ZNF557: variants seen among roughly 807,000 people sequenced by gnomAD.
ZNF557 encodes the protein zinc finger protein 557, also known as CTB-25J19.9.
In ZNF557, 19 loss-of-function variants were observed where a neutral mutation model predicts 21.2. That is an observed-to-expected ratio of 0.90 (90% CI 0.63 to 1.32). The LOEUF (loss-of-function observed/expected upper bound fraction) is 1.32, where lower values mean the gene tolerates loss of function less well. ZNF557 is among the 40% of genes most tolerant of loss of function. The probability of loss-of-function intolerance (pLI) is 0.00; values close to 1 mark genes in which losing one functional copy is unlikely to be tolerated. For synonymous variants in ZNF557, 207 were observed against 194.8 expected (o/e 1.06, Z -0.52); for missense variants, 487 against 519.8 (o/e 0.94, Z 0.61).
intron 2 of ZNF557, among the ~76,000 whole-genome samples, chr19:7,073,147 G>GTTT (rs1568405603): frequency 1.5e-4 from 11 of 74,414 alleles, no homozygotes; most frequent in South Asian, 4.5e-4. Context: ...TTGTTTTTTT[G>GTTT]GTTTTTTTTG....
chr19:7,085,380 TCTC>T lies in ZNF557; in HGVS notation c.*1637_*1639del. ...GGATTCACCATGTTTCCCAGGCTGC[TCTC>T]AAACTCCTGGGCTCAAGTGATCCAC... On this transcript the variant is annotated 3_prime_UTR_variant, in exon 8 of 8. Transcript: ENST00000252840. 6.6e-6 allele frequency: 1 copy of T among 152,100 alleles called. No individual in the cohort carries two copies. The highest frequency in any genetic ancestry group is 1.9e-4 in the East Asian group (1 of 5,174). The allele number at this position is 152,100 out of a possible 1,614,324, so 9.4% of individuals were successfully genotyped here.
At position 7,076,514 on chromosome 19, in the gene ZNF557, C is replaced by G. The variant is rs771977522; in HGVS notation, c.247+7C>G. 2 of 1,611,196 alleles carry G rather than the reference C, an allele frequency of 1.2e-6. No homozygotes were observed. Among genetic ancestry groups the G allele is most frequent in the Admixed American group, 1.7e-5 (1 of 59,384 alleles). On this transcript the variant is annotated splice_region_variant and intron_variant, in intron 5 of 7. Transcript: ENST00000252840. The stretch of plus-strand genomic sequence containing the variant: ...AGGAACCTGGCCTCACTGGGTAAGC[C>G]TAATGTCATTCCTGCATTTATTTAA...
intron 2 of ZNF557, among the ~76,000 whole-genome samples, chr19:7,070,906 C>T (rs1304378577): frequency 1.3e-5 from 2 of 151,952 alleles, no homozygotes; most frequent in Non-Finnish European, 2.9e-5. Flanking sequence ...GCTGGAATGA[C>T]AAGGGTGCAC....
At chr19:7,071,867 A>G (rs1251512147) in intron 2 of ZNF557, among the ~76,000 whole-genome samples, 1 of 139,056 alleles carries the variant, frequency 7.2e-6, no homozygotes, top group Non-Finnish European at 1.5e-5. Flanking sequence ...GCACTTCGGG[A>G]GGCCAAGGCA....
In ZNF557 at chr19:7,081,969, G is replaced by C. The variant is rs756520463; in HGVS notation, c.344-1G>C. ...TTAAATTTCTTTTTAACTTGTTTCA[G>C]ATGTGGAGAATCCATTTAAAGCCAA... On this transcript the variant is annotated splice_acceptor_variant, in intron 6 of 7. Coordinates refer to ENST00000252840, the MANE Select transcript of ZNF557 (RefSeq NM_024341.3). LOFTEE classifies it high-confidence loss of function. 8 of 1,612,108 alleles carry C rather than the reference G, an allele frequency of 5.0e-6. No individual in the cohort carries two copies. The highest frequency in any genetic ancestry group is 1.3e-5 in the African/African-American group (1 of 74,864).
intron 2 of ZNF557, among the ~76,000 whole-genome samples, chr19:7,074,326 G>GTA (rs200460434): frequency 6.5e-5 from 2 of 30,668 alleles, no homozygotes; most frequent in Admixed American, 3.3e-4. Context: ...ATCTTTGTGT[G>GTA]TATATACACA....
At chr19:7,071,715 T>C (rs1977462218) in intron 2 of ZNF557, among the ~76,000 whole-genome samples, 1 of 143,196 alleles carries the variant, frequency 7.0e-6, no homozygotes, top group Admixed American at 7.5e-5. Context: ...GTGGTGACTC[T>C]CTTGAGCCTG....
rs886643830 is a variant in ZNF557, at chr19:7,084,976, A to G, written c.*1232A>G. 1 of 152,142 alleles carries G rather than the reference A, an allele frequency of 6.6e-6. No individual in the cohort carries two copies. Among genetic ancestry groups the G allele is most frequent in the East Asian group, 1.9e-4 (1 of 5,194 alleles). 9.4% of individuals were successfully genotyped at this position (152,142 alleles called of 1,614,324 possible). On this transcript the variant is annotated 3_prime_UTR_variant, in exon 8 of 8. Transcript: ENST00000252840. ...CAACAGAGGAATATGTTGAGTATAC[A>G]CAGTGTTGAAAAGCCTGTGACACAA...
In ZNF557 at chr19:7,084,128, A is replaced by C. The variant is rs948093247; in HGVS notation, c.*384A>C. ...CAGGGCTGAGTTTCTTTATGGAAGC[A>C]ACTTCTCCCCAAAGCCAGTGATCTA... On this transcript the variant is annotated 3_prime_UTR_variant, in exon 8 of 8. Coordinates refer to ENST00000252840, the MANE Select transcript of ZNF557 (RefSeq NM_024341.3). 1.6e-5 allele frequency: 3 copies of C among 189,276 alleles called. No homozygotes were observed. Among genetic ancestry groups the C allele is most frequent in the African/African-American group, 2.4e-5 (1 of 42,008 alleles). The allele number at this position is 189,276 out of a possible 1,614,324, so 11.7% of individuals were successfully genotyped here.
At position 7,085,402 on chromosome 19, in the gene ZNF557, G is replaced by A. The variant is rs890488674; in HGVS notation, c.*1658G>A. 1.3e-5 allele frequency: 2 copies of A among 152,152 alleles called. No individual in the cohort carries two copies. Among genetic ancestry groups the A allele is most frequent in the African/African-American group, 2.4e-5 (1 of 41,424 alleles). 9.4% of individuals were successfully genotyped at this position (152,152 alleles called of 1,614,324 possible). A position where few individuals can be genotyped will look rare whatever the true frequency, so the allele number is the denominator to read the frequency against. On this transcript the variant is annotated 3_prime_UTR_variant, in exon 8 of 8. Transcript: ENST00000252840. ...TGCTCTCAAACTCCTGGGCTCAAGT[G>A]ATCCACCTGCCTCAGCCTCCCAAAA...
At chr19:7,075,458 G>A (rs990674611) in intron 3 of ZNF557, among the ~76,000 whole-genome samples, 197 bp from the exon 4 acceptor site, 3 of 152,288 alleles carry the variant, frequency 2.0e-5, no homozygotes, top group South Asian at 4.1e-4. Context: ...GTTTCCTGGC[G>A]TGGATGCGGC....
intron 5 of ZNF557, among the ~76,000 whole-genome samples, chr19:7,078,356 TC>T (rs1478928100): frequency 6.6e-6 from 1 of 152,124 alleles, no homozygotes; most frequent in Non-Finnish European, 1.5e-5. Flanking sequence ...TATTGGGAGA[TC>T]CTTGAGCTGC....
At chr19:7,080,253 G>A (rs912185243) in intron 5 of ZNF557, among the ~76,000 whole-genome samples, 7 of 151,694 alleles carry the variant, frequency 4.6e-5, no homozygotes, top group Non-Finnish European at 5.9e-5. Flanking sequence ...GCAGTGAGCC[G>A]AGATCACACC....
chr19:7,075,889 AGT>A lies in ZNF557; in HGVS notation c.120+153_120+154del, dbSNP rs1977578969. On this transcript the variant is annotated intron_variant, in intron 4 of 7. Transcript: ENST00000252840. ...GAGTGAGGGCTGCCCAGAAAATGTC[AGT>A]GTGTGTCAACGTTTACTGCAGGTTC... 3 of 1,455,802 alleles carry A rather than the reference AGT, an allele frequency of 2.1e-6. No homozygotes were observed. In the Admixed American group the frequency reaches 7.7e-5, roughly 37 times the overall value. 90.2% of individuals were successfully genotyped at this position (1,455,802 alleles called of 1,614,324 possible).
chr19:7,081,535 T>C (rs554557454), intron 6 of ZNF557, 80 bp downstream of exon 6: 3 of 952,396 alleles, frequency 3.1e-6, no homozygotes, highest in Non-Finnish European at 4.9e-6. Context: ...TATAATACAT[T>C]AGGAAATATC....
At chr19:7,073,157 G>GTTT (rs552141577) in intron 2 of ZNF557, among the ~76,000 whole-genome samples, 4,631 of 135,876 alleles carry the variant, frequency 0.034, 175 homozygotes, top group South Asian at 0.049. Context: ...GGTTTTTTTT[G>GTTT]TTTTTTTTTT....
In ZNF557 at chr19:7,083,954, A is replaced by C; in HGVS notation, c.*210A>C. ...GCTCTATAGTTCTTCAGGATATCTC[A>C]AGAGGTTACAGTCCAGATGTCAGCA... On this transcript the variant is annotated 3_prime_UTR_variant, in exon 8 of 8. Coordinates refer to ENST00000252840, the MANE Select transcript of ZNF557 (RefSeq NM_024341.3). 1.8e-6 allele frequency: 1 copy of C among 554,686 alleles called. No individual in the cohort carries two copies. The highest frequency in any genetic ancestry group is 3.2e-6 in the Non-Finnish European group (1 of 315,128). The allele number at this position is 554,686 out of a possible 1,614,324, so 34.4% of individuals were successfully genotyped here.
chr19:7,083,497 C>A lies in ZNF557; in HGVS notation c.1046C>A (p.Thr349Lys), dbSNP rs755284344. The A allele has an allele frequency of 1.9e-6, 3 of 1,614,150 alleles. No individual in the cohort carries two copies. The highest frequency in any genetic ancestry group is 2.5e-6 in the Non-Finnish European group (3 of 1,180,026). ...IRTHTGEKPY[T>K]CNECGKSFTN... ...ACTCATACTGGAGAAAAACCCTACACATGTAATGAGTGTGGGAAATCCTTT... is the reference window on the plus strand; with the variant it reads ...ACTCATACTGGAGAAAAACCCTACAAATGTAATGAGTGTGGGAAATCCTTT... The change falls in exon 8 of 8, where the codon ACA (threonine) becomes AAA (lysine). Residue 349 changes from threonine to lysine, a missense_variant. Physicochemically the swap from Thr to Lys is moderately conservative, Grantham distance 78. Coordinates refer to ENST00000252840, the MANE Select transcript of ZNF557 (RefSeq NM_024341.3).
intron 2 of ZNF557, among the ~76,000 whole-genome samples, chr19:7,073,323 T>A (rs1424642855): frequency 1.3e-5 from 2 of 151,808 alleles, no homozygotes; most frequent in East Asian, 3.9e-4. Flanking sequence ...GCTAATTTTT[T>A]AAATATATTT....
Sources: gnomAD v4.1 joint callset for allele counts (sites outside exome capture counted in the v4.1 genomes callset) on GRCh38, gnomAD v4.1.1 for gene constraint, MANE v1.5 for transcripts, NCBI Gene and HGNC (gene_info 2026-07-23, HGNC 2026-07-21) for gene names.